Variants in ZNF600 observed in about 807,000 individuals in gnomAD.
ZNF600 encodes zinc finger protein 600.
In ZNF600, 4 loss-of-function variants were observed where a neutral mutation model predicts 7.3. That is an observed-to-expected ratio of 0.55 (90% confidence interval 0.27 to 1.25). The LOEUF (loss-of-function observed/expected upper bound fraction) is 1.25. Among genes scored for constraint, ZNF600 ranks in the 50% most tolerant of loss-of-function variants. The probability of loss-of-function intolerance (pLI) is 0.12; values close to 1 mark genes in which losing one functional copy is unlikely to be tolerated. For synonymous variants in ZNF600, 290 were observed against 308.9 expected, an observed-to-expected ratio of 0.94 and a Z score of 0.64; for missense variants, 911 against 922.1, an observed-to-expected ratio of 0.99 and a Z score of 0.16.
chr19:52,825,837 A>C, the ZNF600 span, among the ~76,000 whole-genome samples: 1 of 152,022 alleles, frequency 6.6e-6, no homozygotes, highest in Admixed American at 6.6e-5. Flanking sequence ...AATACAAAAA[A>C]CTTATCCAGG....
the ZNF600 span, chr19:52,818,158 G>A: frequency 2.4e-5 from 25 of 1,020,414 alleles, no homozygotes; most frequent in Admixed American, 5.8e-5. Context: ...ACCGCACCAC[G>A]AACAAAAAAT....
the ZNF600 span, chr19:52,810,323 C>T: frequency 8.1e-6 from 13 of 1,596,160 alleles, no homozygotes; most frequent in Non-Finnish European, 1.1e-5. Context: ...TCAATGCTGG[C>T]AATGTGGACT....
intron 2 of ZNF600, among the ~76,000 whole-genome samples, chr19:52,774,964 GCA>G (rs1568630019): frequency 2.6e-5 from 4 of 152,162 alleles, no homozygotes; most frequent in Admixed American, 6.5e-5. Flanking sequence ...ACAGGGCCAG[GCA>G]TGGTGGTTCA....
chr19:52,805,789 C>G, the ZNF600 span: 1 of 151,878 alleles, frequency 6.6e-6, no homozygotes, highest in African/African-American at 2.4e-5. Context: ...TCGAGTCCAG[C>G]CTGGCCAACA....
At chr19:52,789,989 T>C (rs1254012811), upstream of ZNF600, among the ~76,000 whole-genome samples, 1 of 151,614 alleles carries the variant, frequency 6.6e-6, no homozygotes, top group African/African-American at 2.4e-5. Context: ...AGGTGCTCAG[T>C]GGGGGAGCTT....
At chr19:52,812,575 C>A in the ZNF600 span, among the ~76,000 whole-genome samples, 1 of 116,496 alleles carries the variant, frequency 8.6e-6, no homozygotes, top group Non-Finnish European at 1.8e-5. Context: ...CAGCATGCTC[C>A]TTAAGAGTCA....
the ZNF600 span, among the ~76,000 whole-genome samples, chr19:52,823,663 A>G: frequency 1.8e-4 from 27 of 152,314 alleles, no homozygotes; most frequent in African/African-American, 6.5e-4. Context: ...ACTGAGATAT[A>G]GGTACTATCG....
At chr19:52,817,971 T>G in the ZNF600 span, 1 of 1,610,888 alleles carries the variant, frequency 6.2e-7, no homozygotes, top group Non-Finnish European at 8.5e-7. Context: ...CTGACTCCTT[T>G]GCTTTCCTCT....
chr19:52,792,339 G>T, the ZNF600 span, among the ~76,000 whole-genome samples: 6 of 152,088 alleles, frequency 3.9e-5, no homozygotes, highest in Admixed American at 2.6e-4. Flanking sequence ...AACTGCTTAG[G>T]GAACCAGACT....
At chr19:52,825,333 T>C in the ZNF600 span, among the ~76,000 whole-genome samples, 1 of 152,100 alleles carries the variant, frequency 6.6e-6, no homozygotes, top group African/African-American at 2.4e-5. Flanking sequence ...GCTTCCTACC[T>C]TGAAAACATG....
At chr19:52,797,352 T>G in the ZNF600 span, 2 of 152,266 alleles carry the variant, frequency 1.3e-5, no homozygotes. Context: ...ATTCAATCAA[T>G]GCTGGCTGTC....
chr19:52,788,679 G>A (rs1333933511), upstream of ZNF600, among the ~76,000 whole-genome samples: 9 of 152,110 alleles, frequency 5.9e-5, no homozygotes, highest in Non-Finnish European at 1.2e-4. Context: ...GCACAGATCT[G>A]GCCCTAACCA....
chr19:52,801,477 G>T, the ZNF600 span: 2 of 1,614,000 alleles, frequency 1.2e-6, no homozygotes, highest in Non-Finnish European at 1.7e-6. Flanking sequence ...ATGTTGGCCT[G>T]TACTACCAGT....
At chr19:52,766,423 C>T (rs1382035798) in exon 4 of ZNF600, 9 of 1,613,798 alleles carry the variant, frequency 5.6e-6, no homozygotes, top group Non-Finnish European at 7.6e-6. Context: ...TCACATTCTT[C>T]ATATTTGTAA....
the ZNF600 span, among the ~76,000 whole-genome samples, chr19:52,821,008 C>T: frequency 1.3e-4 from 20 of 152,088 alleles, no homozygotes; most frequent in Non-Finnish European, 2.5e-4. Context: ...TGGAGCTGGG[C>T]GGGCAAGAAC....
intron 3 of ZNF600, 115 bp from the exon 6 acceptor site, chr19:52,767,887 T>C (rs933839895): frequency 6.4e-6 from 9 of 1,400,684 alleles, no homozygotes; most frequent in Admixed American, 2.6e-5. Context: ...AAATATCATC[T>C]TCAAAGTTTA....
chr19:52,781,382 T>A (rs1036523157), intron 1 of ZNF600: 2 of 152,076 alleles, frequency 1.3e-5, no homozygotes, highest in African/African-American at 4.8e-5. Context: ...TATTCTGAGA[T>A]GTTCTGAGGT....
intron 1 of ZNF600, among the ~76,000 whole-genome samples, chr19:52,780,240 AT>A: frequency 6.6e-6 from 1 of 152,322 alleles, no homozygotes. Context: ...AACTTTCTAA[AT>A]TAACTGAGAT....
chr19:52,784,984 G>A (rs1408586413), intron 1 of ZNF600, among the ~76,000 whole-genome samples: 1 of 151,992 alleles, frequency 6.6e-6, no homozygotes. Flanking sequence ...CAATCCCTTT[G>A]CCTCAGTCTC....
Sources: gnomAD v4.1 joint callset for allele counts (sites outside exome capture counted in the v4.1 genomes callset) on GRCh38, gnomAD v4.1.1 for gene constraint, MANE v1.5 for transcripts, NCBI Gene and HGNC (gene_info 2026-07-23, HGNC 2026-07-21) for gene names.